PAFAH1B1: variants seen among roughly 807,000 people sequenced by gnomAD.
PAFAH1B1 encodes the protein platelet activating factor acetylhydrolase 1b regulatory subunit 1, also known as platelet-activating factor acetylhydrolase IB subunit beta.
A neutral mutation model predicts 57.5 loss-of-function variants in PAFAH1B1; 2 were observed. That is an observed-to-expected ratio of 0.03 (90% CI 0.01 to 0.11). The LOEUF (loss-of-function observed/expected upper bound fraction) is 0.11. Ranked by LOEUF, PAFAH1B1 falls within the 10% of genes least tolerant of loss-of-function variation. The probability of loss-of-function intolerance (pLI) is 1.00; values close to 1 mark genes in which losing one functional copy is unlikely to be tolerated. For synonymous variants in PAFAH1B1, 152 were observed against 169.6 expected (o/e 0.90, Z 0.81); for missense variants, 257 against 512.0 (o/e 0.50, Z 4.81).
rs1213223551 is a variant in PAFAH1B1 at position 2,683,379 on chromosome 17, T to C, written c.*1577T>C. 6.6e-6 allele frequency: 1 copy of C among 152,230 alleles called. No individual in the cohort carries two copies. Among genetic ancestry groups the C allele is most frequent in the African/African-American group, 2.4e-5 (1 of 41,472 alleles). 9.4% of individuals were successfully genotyped at this position (152,230 alleles called of 1,614,324 possible). On this transcript the variant is annotated 3_prime_UTR_variant, in exon 11 of 11. Coordinates refer to ENST00000397195, the MANE Select transcript of PAFAH1B1 (RefSeq NM_000430.4). ...GATAACAGTGACAGTTTAACAAAGA[T>C]AAAATTCTGAACTGCGTTTTATTCA...
At chr17:2,604,646 A>G (rs576871257) in intron 1 of PAFAH1B1, among the ~76,000 whole-genome samples, 1 of 152,202 alleles carries the variant, frequency 6.6e-6, no homozygotes, top group Non-Finnish European at 1.5e-5. Flanking sequence ...CCCTATCTCT[A>G]CTAAAAATAC....
In PAFAH1B1 at chr17:2,683,471, G is replaced by GAC. The variant is rs1301630929; in HGVS notation, c.*1671_*1672dup. The GAC allele has an allele frequency of 6.6e-6, 1 of 152,180 alleles. No individual in the cohort carries two copies. Among genetic ancestry groups the GAC allele is most frequent in the African/African-American group, 2.4e-5 (1 of 41,442 alleles). 9.4% of individuals were successfully genotyped at this position (152,180 alleles called of 1,614,324 possible). On this transcript the variant is annotated 3_prime_UTR_variant, in exon 11 of 11. Coordinates refer to ENST00000397195, the MANE Select transcript of PAFAH1B1 (RefSeq NM_000430.4). Reference sequence around the variant, plus strand: ...TAATGGAAAATTGGTTCCTGCAAAAGACAAAGGGTGAGAGTTAGCGTCCTG... The same window carrying GAC: ...TAATGGAAAATTGGTTCCTGCAAAAGACACAAAGGGTGAGAGTTAGCGTCCTG...
In PAFAH1B1 at chr17:2,672,644, A is replaced by G; in HGVS notation, c.569-11A>G. On this transcript the variant is annotated splice_polypyrimidine_tract_variant and intron_variant, in intron 6 of 10. Transcript: ENST00000397195. ...TATTACTTCATAATATATTGCTGTT[A>G]TGTGTTTTAGGCCATGACCACAATG... 1 of 1,535,298 alleles carries G rather than the reference A, an allele frequency of 6.5e-7. No homozygotes were observed. The highest frequency in any genetic ancestry group is 2.2e-5 in the East Asian group (1 of 44,492).
At chr17:2,633,052 A>T (rs772316739) in intron 1 of PAFAH1B1, among the ~76,000 whole-genome samples, 5 of 151,634 alleles carry the variant, frequency 3.3e-5, no homozygotes, top group Non-Finnish European at 7.4e-5. Context: ...CTATAATCAT[A>T]CCCCTGGTCT....
At chr17:2,661,596 G>T (rs1343221609) in intron 2 of PAFAH1B1, among the ~76,000 whole-genome samples, 1 of 152,036 alleles carries the variant, frequency 6.6e-6, no homozygotes, top group Non-Finnish European at 1.5e-5. Flanking sequence ...CAGGTAGTAC[G>T]TGTGATGCCT....
chr17:2,671,164 A>C (rs1001225254), intron 6 of PAFAH1B1, among the ~76,000 whole-genome samples: 1 of 151,890 alleles, frequency 6.6e-6, no homozygotes, highest in East Asian at 1.9e-4. Context: ...GAAGTTTATA[A>C]TTACAGGAAT....
chr17:2,636,394 A>C (rs2151633282), intron 1 of PAFAH1B1, among the ~76,000 whole-genome samples: 1 of 152,326 alleles, frequency 6.6e-6, no homozygotes, highest in Admixed American at 6.5e-5. Flanking sequence ...CTAATGAAAT[A>C]GCAGTTGCCA....
At chr17:2,616,860 G>A (rs905664277) in intron 1 of PAFAH1B1, among the ~76,000 whole-genome samples, 6 of 151,530 alleles carry the variant, frequency 4.0e-5, no homozygotes, top group African/African-American at 1.2e-4. Context: ...TCAAGAGATC[G>A]AGACCATCCT....
intron 1 of PAFAH1B1, among the ~76,000 whole-genome samples, chr17:2,630,719 T>G (rs1351681007): frequency 6.6e-6 from 1 of 152,164 alleles, no homozygotes; most frequent in African/African-American, 2.4e-5. Flanking sequence ...GCTTTTAGAG[T>G]TCTCTTCTTC....
At chr17:2,597,551 C>T (rs1218847853) in intron 1 of PAFAH1B1, among the ~76,000 whole-genome samples, 1 of 151,182 alleles carries the variant, frequency 6.6e-6, no homozygotes, top group Non-Finnish European at 1.5e-5. Flanking sequence ...GTTGGGATTA[C>T]AGGTGCCTGC....
At chr17:2,654,553 C>T (rs955149461) in intron 2 of PAFAH1B1, among the ~76,000 whole-genome samples, 6 of 152,090 alleles carry the variant, frequency 3.9e-5, no homozygotes, top group African/African-American at 7.2e-5. Flanking sequence ...TATGCAGTGA[C>T]GGTTGTTTCT....
intron 6 of PAFAH1B1, among the ~76,000 whole-genome samples, chr17:2,671,365 C>T (rs373159603): frequency 1.7e-4 from 26 of 151,942 alleles, no homozygotes; most frequent in South Asian, 8.3e-4. Flanking sequence ...CGCGCCACCA[C>T]GCCCGTCTAA....
At chr17:2,628,185 C>T (rs976504818) in intron 1 of PAFAH1B1, among the ~76,000 whole-genome samples, 2 of 152,110 alleles carry the variant, frequency 1.3e-5, no homozygotes, top group African/African-American at 4.8e-5. Context: ...TTCAACTTTT[C>T]CCCTTTCATT....
At chr17:2,643,240 A>G (rs1207775484) in intron 2 of PAFAH1B1, among the ~76,000 whole-genome samples, 1 of 151,864 alleles carries the variant, frequency 6.6e-6, no homozygotes, top group Admixed American at 6.6e-5. Flanking sequence ...CTACAGGTGC[A>G]TGCCATGCCA....
intron 2 of PAFAH1B1, among the ~76,000 whole-genome samples, chr17:2,642,727 AC>A (rs2068712876): frequency 6.6e-6 from 1 of 152,194 alleles, no homozygotes; most frequent in Non-Finnish European, 1.5e-5. Context: ...TGTCCTGCCC[AC>A]GACATGATCA....
In PAFAH1B1 at chr17:2,593,886, A is replaced by G. The variant is rs1597502551; in HGVS notation, c.-311A>G. The stretch of plus-strand genomic sequence containing the variant: ...TCCCCGGGCCCGGGCCCAGCGCGCC[A>G]TCCTCCCCCCTCCTTCCCTCCCTCC... On this transcript the variant is annotated 5_prime_UTR_variant, in exon 1 of 11. Coordinates refer to ENST00000397195, the MANE Select transcript of PAFAH1B1 (RefSeq NM_000430.4). 1.3e-5 allele frequency: 1 copy of G among 75,108 alleles called. No individual in the cohort carries two copies. The highest frequency in any genetic ancestry group is 2.6e-4 in the East Asian group (1 of 3,900). The allele number at this position is 75,108 out of a possible 1,614,324, so 4.7% of individuals were successfully genotyped here.
intron 1 of PAFAH1B1, among the ~76,000 whole-genome samples, chr17:2,606,994 T>G (rs1019713472): frequency 6.7e-6 from 1 of 148,996 alleles, no homozygotes; most frequent in Non-Finnish European, 1.5e-5. Context: ...CTGGCTAACT[T>G]TTTGTATTTT....
intron 1 of PAFAH1B1, among the ~76,000 whole-genome samples, chr17:2,632,374 A>G (rs1192831298): frequency 1.3e-5 from 2 of 152,234 alleles, no homozygotes; most frequent in African/African-American, 4.8e-5. Context: ...CAATTTGTCT[A>G]ACTCTAGATC....
intron 9 of PAFAH1B1, among the ~76,000 whole-genome samples, chr17:2,677,744 C>G (rs1567561811): frequency 6.6e-6 from 1 of 151,670 alleles, no homozygotes. Flanking sequence ...GTCCCAGCTA[C>G]TTGGGAGGCT....
Sources: gnomAD v4.1 joint callset for allele counts (sites outside exome capture counted in the v4.1 genomes callset) on GRCh38, gnomAD v4.1.1 for gene constraint, MANE v1.5 for transcripts, NCBI Gene and HGNC (gene_info 2026-07-23, HGNC 2026-07-21) for gene names.